Variants in URGCP observed in about 807,000 individuals in gnomAD.
The protein encoded by URGCP is upregulator of cell proliferation, also known as up-regulator of cell proliferation.
URGCP carries 13 observed loss-of-function variants against 24.6 expected under a neutral mutation model. That is an observed-to-expected ratio of 0.53 (90% CI 0.34 to 0.84). The LOEUF (loss-of-function observed/expected upper bound fraction) is 0.84. URGCP is among the 40% of genes least tolerant of loss of function. The probability of loss-of-function intolerance (pLI) is 0.01; values close to 1 mark genes in which losing one functional copy is unlikely to be tolerated. For missense variants in URGCP, 899 were observed against 1,194.3 expected (o/e 0.75, Z 3.64); for synonymous variants, 444 against 487.2 (o/e 0.91, Z 1.17).
intron 1 of URGCP, among the ~76,000 whole-genome samples, chr7:43,898,370 TGTAGTAGCAACAA>T (rs983129802): frequency 6.6e-6 from 1 of 152,214 alleles, no homozygotes; most frequent in Non-Finnish European, 1.5e-5. Context: ...AGCTCCGATT[TGTAGTAGCAACAA>T]GAAAAATAAT....
rs1562571562 is a variant in URGCP at position 43,878,337 on chromosome 7, T to C, written c.1126A>G (p.Met376Val). 1.2e-6 allele frequency: 2 copies of C among 1,614,228 alleles called. No individual in the cohort carries two copies. The highest frequency in any genetic ancestry group is 1.7e-6 in the Non-Finnish European group (2 of 1,180,040). Reference sequence around the variant, plus strand: ...TAGTATTTTGTGGTTGACTCCTTCATGGAGTACAGCAATTTGTATTCCTTC... The same window carrying C: ...TAGTATTTTGTGGTTGACTCCTTCACGGAGTACAGCAATTTGTATTCCTTC... ...SKKEYKLLYS[M>V]KESTTKYYFI... The change falls in exon 6 of 6, where the codon ATG becomes GTG. Residue 376 changes from methionine (M) to valine (V), a missense_variant. Transcript: ENST00000453200. This position sits in a 1 kb window ranked among gnomAD's most constrained non-coding sequence, Gnocchi z 5.6.
chr7:43,881,347 G>A (rs1218616187), intron 5 of URGCP: 5 of 646,620 alleles, frequency 7.7e-6, no homozygotes, highest in Non-Finnish European at 1.4e-5. Flanking sequence ...ATCACTTCAG[G>A]AACTTGTTAA....
rs182508939 is a variant in URGCP at position 43,877,852 on chromosome 7, C to T, written c.1611G>A (p.Met537Ile). ...AGGAGGGATCATGGCCGTTCTGCTGCATTCGAAGTTCTAGCAGCCGCCGCC... is the reference window on the plus strand; with the variant it reads ...AGGAGGGATCATGGCCGTTCTGCTGTATTCGAAGTTCTAGCAGCCGCCGCC... ...ELRRRLLELR[M>I]QQNGHDPSSG... Residue 537 changes from methionine (M) to isoleucine (I), a missense_variant, in exon 6 of 6, where the codon ATG becomes ATA. Met to Ile is a conservative substitution (Grantham distance 10, BLOSUM62 1). Transcript: ENST00000453200. 12 of 1,611,626 alleles carry T rather than the reference C, an allele frequency of 7.4e-6. No homozygotes were observed. The African/African-American group carries it at 1.6e-4, about 21-fold the overall frequency.
At chr7:43,884,771 C>A (rs115136964) in intron 3 of URGCP, among the ~76,000 whole-genome samples, 149 of 152,242 alleles carry the variant, frequency 9.8e-4, no homozygotes, top group African/African-American at 2.9e-3. Flanking sequence ...GAGGTCAAGG[C>A]TGCAGTGAGC....
chr7:43,925,018 AAAGTGCTGGG>A (rs1406957323), intron 1 of URGCP, among the ~76,000 whole-genome samples: 1 of 152,128 alleles, frequency 6.6e-6, no homozygotes, highest in Non-Finnish European at 1.5e-5. Context: ...TCAACCTCCC[AAAGTGCTGGG>A]ATTACAGGCA....
intron 5 of URGCP, among the ~76,000 whole-genome samples, chr7:43,880,680 C>A (rs1176510235): frequency 1.3e-5 from 2 of 152,216 alleles, no homozygotes; most frequent in Non-Finnish European, 2.9e-5. Flanking sequence ...CTCAAATGAT[C>A]TGCCTGCCTC....
chr7:43,896,317 G>T (rs577706591), intron 1 of URGCP, among the ~76,000 whole-genome samples: 13 of 152,002 alleles, frequency 8.6e-5, no homozygotes, highest in Non-Finnish European at 1.6e-4. Context: ...TTAGCTGGGC[G>T]TGGTGGCACA....
intron 1 of URGCP, among the ~76,000 whole-genome samples, chr7:43,925,531 G>A (rs1046608143): frequency 1.1e-4 from 17 of 151,864 alleles, no homozygotes; most frequent in East Asian, 3.9e-4. Flanking sequence ...ACAGAGTCTC[G>A]CTCTGTCACC....
intron 1 of URGCP, among the ~76,000 whole-genome samples, chr7:43,896,445 ACT>A (rs1238207062): frequency 7.1e-6 from 1 of 140,314 alleles, no homozygotes; most frequent in Non-Finnish European, 1.5e-5. Flanking sequence ...ACAGAGAGAG[ACT>A]CTGTCTCAAA....
intron 1 of URGCP, among the ~76,000 whole-genome samples, chr7:43,894,612 G>A (rs570903658): frequency 1.6e-3 from 249 of 151,974 alleles, no homozygotes; most frequent in African/African-American, 5.6e-3. Flanking sequence ...TACCTGTCTC[G>A]GTCTCCCAAA....
chr7:43,897,400 C>G (rs906146045), intron 1 of URGCP, among the ~76,000 whole-genome samples: 1 of 151,974 alleles, frequency 6.6e-6, no homozygotes, highest in Non-Finnish European at 1.5e-5. Context: ...ATATGACTAC[C>G]AGGGGAAGAC....
upstream of URGCP, among the ~76,000 whole-genome samples, chr7:43,909,621 G>A (rs148960710): frequency 0.03 from 4,603 of 152,150 alleles, 255 homozygotes; most frequent in African/African-American, 0.11. Flanking sequence ...AGCTACTAAG[G>A]AGGCTGAGGC....
chr7:43,891,754 T>A (rs1224183993), intron 1 of URGCP, among the ~76,000 whole-genome samples: 3 of 152,174 alleles, frequency 2.0e-5, no homozygotes, highest in Non-Finnish European at 4.4e-5. Flanking sequence ...TAGCTGGGAT[T>A]ACAGCATGCG....
intron 3 of URGCP, 105 bp downstream of exon 3, chr7:43,887,310 A>G: frequency 7.5e-7 from 1 of 1,330,600 alleles, no homozygotes; most frequent in Non-Finnish European, 1.0e-6. Context: ...TATTTTTGAG[A>G]TGCACAATCC....
chr7:43,906,498 C>T, intron 1 of URGCP, 64 bp downstream of exon 1: 1 of 1,163,692 alleles, frequency 8.6e-7, no homozygotes. Flanking sequence ...CAGAGCCGCT[C>T]CGGGTCCCGC....
intron 1 of URGCP, among the ~76,000 whole-genome samples, chr7:43,911,627 G>A (rs1562589062): frequency 6.6e-6 from 1 of 152,152 alleles, no homozygotes; most frequent in Non-Finnish European, 1.5e-5. Context: ...AACCTGGGAG[G>A]TGGAGGTTGT....
rs890530335 is a variant in URGCP at position 43,876,585 on chromosome 7, G to C, written c.*82C>G. ...GGGCACCAGCCATTCTCAGGCACCA[G>C]AGCACAGCCCCACACGGGTGCCCCA... On this transcript the variant is annotated 3_prime_UTR_variant, in exon 6 of 6. Coordinates refer to ENST00000453200, the MANE Select transcript of URGCP (RefSeq NM_001077663.3). The C allele has an allele frequency of 2.9e-5, 43 of 1,467,678 alleles. No homozygotes were observed. Among genetic ancestry groups the C allele is most frequent in the African/African-American group, 1.4e-5 (1 of 71,140 alleles). 90.9% of individuals were successfully genotyped at this position (1,467,678 alleles called of 1,614,324 possible).
At chr7:43,883,354 A>ATTT (rs1281395529) in intron 3 of URGCP, among the ~76,000 whole-genome samples, 2 of 97,648 alleles carry the variant, frequency 2.0e-5, no homozygotes, top group African/African-American at 1.2e-4. Flanking sequence ...ATATATATAT[A>ATTT]TATATATATT....
intron 1 of URGCP, chr7:43,888,691 G>A (rs953118009): frequency 3.3e-5 from 5 of 152,154 alleles, no homozygotes; most frequent in African/African-American, 1.2e-4. Context: ...TGTGAACTGT[G>A]ATTTCTATAT....
Sources: allele counts gnomAD v4.1 joint callset (sites outside exome capture counted in the v4.1 genomes callset), GRCh38; gene constraint gnomAD v4.1.1; non-coding constraint Gnocchi (gnomAD v3.1); transcripts MANE v1.5; gene names NCBI Gene and HGNC (gene_info 2026-07-23, HGNC 2026-07-21).